The following BCAS3 variants were observed in gnomAD, a reference collection of about 807,000 sequenced individuals.
The protein encoded by BCAS3 is BCAS4/BCAS3 fusion.
In BCAS3, 53 loss-of-function variants were observed where a neutral mutation model predicts 116.1. The observed-to-expected ratio is 0.46, with a 90% CI of 0.37 to 0.57. The LOEUF is 0.57. BCAS3 is among the 20% of genes least tolerant of loss of function. BCAS3 has a pLI of 0.00. For synonymous variants in BCAS3, 391 were observed against 408.2 expected (o/e 0.96, Z 0.51); for missense variants, 917 against 1,165.4 (o/e 0.79, Z 3.10).
At chr17:60,899,796 CCT>C (rs948302536) in intron 10 of BCAS3, 7 of 152,098 alleles carry the variant, frequency 4.6e-5, no homozygotes, top group African/African-American at 1.7e-4. Flanking sequence ...ACTCCAGGCC[CCT>C]GATTTTTTTT....
At position 61,180,989 on chromosome 17, in the gene BCAS3, G is replaced by A. The variant is rs904731523; in HGVS notation, c.2425+96425G>A. On this transcript the variant is annotated intron_variant, in intron 22 of 23. Transcript: ENST00000407086. This position sits in a 1 kb window ranked among gnomAD's most constrained non-coding sequence, Gnocchi z 6.0. ...TCTTAGCACTTTGGGAGGCTGGGGT[G>A]GGGGGATCACTTGAGCCCAAGAGTT... Among the ~76,000 whole-genome samples the A allele has an allele frequency of 2.0e-5, 3 of 152,050 alleles. No homozygotes were observed. The highest frequency in any genetic ancestry group is 1.9e-4 in the East Asian group (1 of 5,188).
chr17:60,875,476 T>C (rs531974957), intron 9 of BCAS3, among the ~76,000 whole-genome samples: 1 of 152,202 alleles, frequency 6.6e-6, no homozygotes, highest in East Asian at 1.9e-4. Flanking sequence ...GAAAGCAATT[T>C]AGCAGTTTCG....
chr17:60,853,705 T>A (rs913476405), intron 7 of BCAS3, among the ~76,000 whole-genome samples: 3 of 152,222 alleles, frequency 2.0e-5, no homozygotes, highest in African/African-American at 7.2e-5. Context: ...ATTGAATGGA[T>A]GAATGCATAT....
chr17:61,112,760 C>G lies in BCAS3; in HGVS notation c.2425+28196C>G, dbSNP rs896155155. On this transcript the variant is annotated intron_variant, in intron 22 of 23. Transcript: ENST00000407086. ...ACCTAATAGACATCTACAGAACTCT[C>G]CACCCGAAATCAACAGAATATACAT... Among the ~76,000 whole-genome samples the G allele has an allele frequency of 8.6e-4, 131 of 151,670 alleles. No homozygotes were observed. The Middle Eastern group carries it at 0.01, about 12-fold the overall frequency.
chr17:61,070,399 A>G (rs1209627385), intron 19 of BCAS3: 1 of 186,492 alleles, frequency 5.4e-6, no homozygotes, highest in Admixed American at 6.8e-5. Flanking sequence ...ATATATATAT[A>G]TCTTTTCACC....
rs1180827799 is a variant in BCAS3 at position 61,211,089 on chromosome 17, C to T, written c.2425+126525C>T. Among the ~76,000 whole-genome samples, 5 of 152,022 alleles carry T rather than the reference C, an allele frequency of 3.3e-5. No individual in the cohort carries two copies. The highest frequency in any genetic ancestry group is 4.8e-5 in the African/African-American group (2 of 41,388). ...GGGGGACAGGAGAAAAGGCCTGAGG[C>T]ACGGGGGAGAAAAGGCAGTTGCAGA... On this transcript the variant is annotated intron_variant, in intron 22 of 23. Transcript: ENST00000407086. This position sits in a 1 kb window ranked among gnomAD's most constrained non-coding sequence, Gnocchi z 4.4.
intron 22 of BCAS3, among the ~76,000 whole-genome samples, chr17:61,103,183 T>G (rs1170648350): frequency 6.6e-6 from 1 of 152,196 alleles, no homozygotes; most frequent in African/African-American, 2.4e-5. Context: ...TCTTCCCTTC[T>G]TAGATTATGC....
intron 22 of BCAS3, among the ~76,000 whole-genome samples, chr17:61,167,658 C>T (rs1279225748): frequency 6.6e-6 from 1 of 152,162 alleles, no homozygotes. Context: ...AACTGGACTA[C>T]AAGGTAAACT....
At chr17:61,374,446 C>T (rs1460209866) in intron 23 of BCAS3, among the ~76,000 whole-genome samples, 1 of 152,254 alleles carries the variant, frequency 6.6e-6, no homozygotes, top group Admixed American at 6.5e-5. Context: ...GTTGGGATTA[C>T]AGGCATGAGC....
At chr17:60,778,012 T>TG (rs1440261950) in intron 6 of BCAS3, among the ~76,000 whole-genome samples, 1 of 152,230 alleles carries the variant, frequency 6.6e-6, no homozygotes, top group Non-Finnish European at 1.5e-5. Context: ...TCTTCTTTGG[T>TG]GAAATGTCCC....
chr17:61,341,350 G>A (rs1000312152), intron 22 of BCAS3, among the ~76,000 whole-genome samples: 1 of 152,222 alleles, frequency 6.6e-6, no homozygotes, highest in Non-Finnish European at 1.5e-5. Flanking sequence ...GGGGCAGGCG[G>A]TGTCCTCAGA....
At chr17:60,756,661 A>C (rs1164625083) in intron 6 of BCAS3, among the ~76,000 whole-genome samples, 2 of 151,956 alleles carry the variant, frequency 1.3e-5, no homozygotes, top group African/African-American at 2.4e-5. Context: ...CATTTTCTTT[A>C]TTTATTCATC....
At chr17:60,811,088 T>C (rs1169550741) in intron 7 of BCAS3, 7 of 632,024 alleles carry the variant, frequency 1.1e-5, no homozygotes, top group Non-Finnish European at 2.0e-5. Flanking sequence ...TTCTTGGATA[T>C]TGACCTGGAC....
At chr17:60,833,443 T>C (rs1191541459) in intron 7 of BCAS3, among the ~76,000 whole-genome samples, 2 of 152,236 alleles carry the variant, frequency 1.3e-5, no homozygotes, top group Admixed American at 1.3e-4. Context: ...TCCTAGGCAA[T>C]AAGAATTGTA....
At chr17:61,092,399 A>G (rs555796830) in intron 22 of BCAS3, among the ~76,000 whole-genome samples, 1 of 152,256 alleles carries the variant, frequency 6.6e-6, no homozygotes, top group African/African-American at 2.4e-5. Context: ...TAGTACTGGA[A>G]TTGCCGGATC....
intron 22 of BCAS3, among the ~76,000 whole-genome samples, chr17:61,185,031 G>A (rs1170609224): frequency 1.3e-5 from 2 of 151,560 alleles, no homozygotes; most frequent in African/African-American, 4.8e-5. Context: ...CATACTATAT[G>A]CATTAAAAAA....
intron 7 of BCAS3, among the ~76,000 whole-genome samples, chr17:60,809,033 C>T (rs918561107): frequency 2.6e-5 from 4 of 152,036 alleles, no homozygotes. Flanking sequence ...CCTGTAATCC[C>T]AGCACTTTGG....
rs1004535612 is a variant in BCAS3, at chr17:61,021,489, A to T, written c.1637+5588A>T. Among the ~76,000 whole-genome samples the T allele has an allele frequency of 1.3e-5, 2 of 152,088 alleles. No homozygotes were observed. Among genetic ancestry groups the T allele is most frequent in the Non-Finnish European group, 2.9e-5 (2 of 68,020 alleles). ...GAGTCTGAGGCCCTGGCTTCTTCTC[A>T]TCTGGGTTCTGCACCTATTTGCCAG... On this transcript the variant is annotated intron_variant, in intron 16 of 23. Transcript: ENST00000407086. This position sits in a 1 kb window ranked among gnomAD's most constrained non-coding sequence, Gnocchi z 4.6.
intron 22 of BCAS3, among the ~76,000 whole-genome samples, chr17:61,115,309 C>G (rs1323185468): frequency 6.6e-6 from 1 of 152,146 alleles, no homozygotes; most frequent in African/African-American, 2.4e-5. Context: ...AGGCAACCTA[C>G]AAAATTGGAG....
Sources: gnomAD v4.1 joint callset for allele counts (sites outside exome capture counted in the v4.1 genomes callset) on GRCh38, gnomAD v4.1.1 for gene constraint, Gnocchi (gnomAD v3.1) non-coding constraint, MANE v1.5 for transcripts, NCBI Gene and HGNC (gene_info 2026-07-23, HGNC 2026-07-21) for gene names.